The following RBM39 variants were observed in gnomAD, a reference collection of about 807,000 sequenced individuals.
RBM39 encodes RNA binding motif protein 39.
A neutral mutation model predicts 79.6 loss-of-function variants in RBM39; 12 were observed. The ratio of observed to expected loss-of-function variants is 0.15; its 90% confidence interval spans 0.10 to 0.24. RBM39 has a LOEUF of 0.24. RBM39 is among the 10% of genes least tolerant of loss of function. The pLI, the probability that RBM39 is intolerant of heterozygous loss-of-function variation, is 1.00. For synonymous variants in RBM39, 185 were observed against 208.4 expected (o/e 0.89, Z 0.97); for missense variants, 243 against 653.4 (o/e 0.37, Z 6.85).
chr20:35,732,120 C>T lies in RBM39; in HGVS notation c.117G>A (p.Lys39=), dbSNP rs775527552. ...TTCGTTCATGACTACGACTTCTGCT[C>T]TTGCTTTTTTTCCTCCTGAGAAGAA... The part of the protein sequence containing the change: ...EERSKKRKKS[K]SRSRSHERKR... Residue 39 remains lysine, a synonymous_variant, in exon 4 of 17, where the codon AAG becomes AAA. Transcript: ENST00000253363. 2 of 1,614,010 alleles carry T rather than the reference C, an allele frequency of 1.2e-6. No individual in the cohort carries two copies. The highest frequency in any genetic ancestry group is 3.3e-5 in the Admixed American group (2 of 60,010).
chr20:35,709,303 G>A (rs1600393096), intron 12 of RBM39, 29 bp from the exon 13 acceptor site: 2 of 1,563,278 alleles, frequency 1.3e-6, no homozygotes, highest in South Asian at 1.2e-5. Context: ...ACAATGAAGA[G>A]CCTCAACTAA....
chr20:35,741,089 C>G (rs571840508), intron 1 of RBM39, among the ~76,000 whole-genome samples: 1 of 127,972 alleles, frequency 7.8e-6, no homozygotes, highest in African/African-American at 3.1e-5. Context: ...GGCTGAAGTG[C>G]AGTAGCGCGA....
intron 1 of RBM39, among the ~76,000 whole-genome samples, chr20:35,741,264 C>A (rs1033955645): frequency 2.0e-5 from 3 of 151,532 alleles, no homozygotes; most frequent in African/African-American, 7.3e-5. Flanking sequence ...GAACTCCTAA[C>A]CTCAAGTGAT....
chr20:35,734,001 T>C (rs1279021256), intron 3 of RBM39, among the ~76,000 whole-genome samples: 2 of 152,216 alleles, frequency 1.3e-5, no homozygotes, highest in African/African-American at 2.4e-5. Flanking sequence ...TCCACGAAAA[T>C]GTCTATTTGT....
intron 12 of RBM39, 57 bp from the exon 13 acceptor site, chr20:35,709,331 A>C: frequency 7.0e-7 from 1 of 1,425,804 alleles, no homozygotes; most frequent in Non-Finnish European, 9.6e-7. Flanking sequence ...AATGTCAGGA[A>C]AGCATTAATA....
At position 35,704,214 on chromosome 20, in the gene RBM39, G is replaced by A; in HGVS notation, c.*267C>T. The A allele has an allele frequency of 3.8e-6, 1 of 261,364 alleles. No homozygotes were observed. 16.2% of individuals were successfully genotyped at this position (261,364 alleles called of 1,614,324 possible). On this transcript the variant is annotated 3_prime_UTR_variant, in exon 17 of 17. Transcript: ENST00000253363. ...TACAGAAAGCACATTTGTTCTCCTAGAGCTATTCCTATAGTTCATTAATTT... is the reference window on the plus strand; with the variant it reads ...TACAGAAAGCACATTTGTTCTCCTAAAGCTATTCCTATAGTTCATTAATTT...
intron 3 of RBM39, among the ~76,000 whole-genome samples, chr20:35,736,016 CAT>C (rs1395682955): frequency 2.0e-5 from 3 of 152,182 alleles, no homozygotes; most frequent in African/African-American, 7.2e-5. Flanking sequence ...CAAAAAGCGA[CAT>C]GAGACAATGG....
intron 13 of RBM39, among the ~76,000 whole-genome samples, chr20:35,708,237 G>T (rs2035987488): frequency 6.6e-6 from 1 of 151,778 alleles, no homozygotes; most frequent in Non-Finnish European, 1.5e-5. Context: ...AAAAGTTAAA[G>T]ATTCGAGAGT....
Position 35,738,957 on chromosome 20 carries a change from T to C in RBM39, c.101+11A>G. Reference sequence around the variant, plus strand: ...TCACCACCCTCCCCCAAGCCCCTTCTTAAAACTCACTTTTTGCTACGTTCT... The same window carrying C: ...TCACCACCCTCCCCCAAGCCCCTTCCTAAAACTCACTTTTTGCTACGTTCT... On this transcript the variant is annotated intron_variant, in intron 3 of 16. Transcript: ENST00000253363. 1 of 1,609,516 alleles carries C rather than the reference T, an allele frequency of 6.2e-7. No homozygotes were observed. The highest frequency in any genetic ancestry group is 8.5e-7 in the Non-Finnish European group (1 of 1,175,828).
Position 35,705,297 on chromosome 20 carries a change from C to G in RBM39, c.1341G>C (p.Lys447Asn), listed in dbSNP as rs1733641634. 6.3e-7 allele frequency: 1 copy of G among 1,589,670 alleles called. No individual in the cohort carries two copies. The highest frequency in any genetic ancestry group is 1.4e-5 in the African/African-American group (1 of 72,788). ...TATTACATTCTTCAATCACATCATC[C>G]TTAATCTCGGTATCCCATCCAACTT... ...EEEVGWDTEI[K>N]DDVIEECNKH... is the part of the protein sequence containing the mutation. The change falls in exon 15 of 17, where the codon AAG (lysine) becomes AAC (asparagine). Residue 447 changes from lysine (K) to asparagine (N), a missense_variant. Lys to Asn is a moderately conservative substitution (Grantham distance 94). This residue lies in a region of RBM39 where 48 missense variants were observed against 130.2 expected (regional missense o/e 0.37). Coordinates refer to ENST00000253363, the MANE Select transcript of RBM39 (RefSeq NM_184234.3).
rs2035396675 is a variant in RBM39 at position 35,703,536 on chromosome 20, TGA to T, written c.*943_*944del. Reference sequence around the variant, plus strand: ...TTTTCCCAAGAGGCAAGTACTGAATTGAGACTAAAAGAAGCTAATTCTGTTCT... The same window carrying T: ...TTTTCCCAAGAGGCAAGTACTGAATTGACTAAAAGAAGCTAATTCTGTTCT... On this transcript the variant is annotated 3_prime_UTR_variant, in exon 17 of 17. Coordinates refer to ENST00000253363, the MANE Select transcript of RBM39 (RefSeq NM_184234.3). 6.6e-6 allele frequency: 1 copy of T among 152,488 alleles called. No homozygotes were observed. The highest frequency in any genetic ancestry group is 1.5e-5 in the Non-Finnish European group (1 of 68,036). 9.4% of individuals were successfully genotyped at this position (152,488 alleles called of 1,614,324 possible). A position where few individuals can be genotyped will look rare whatever the true frequency, so the allele number is the denominator to read the frequency against.
At chr20:35,736,278 T>A (rs576969038) in intron 3 of RBM39, among the ~76,000 whole-genome samples, 1 of 152,272 alleles carries the variant, frequency 6.6e-6, no homozygotes, top group East Asian at 1.9e-4. Flanking sequence ...AGATCCCACA[T>A]CAAGACTAAA....
intron 3 of RBM39, among the ~76,000 whole-genome samples, chr20:35,733,814 TCTAA>T (rs752969548): frequency 6.6e-6 from 1 of 152,080 alleles, no homozygotes; most frequent in African/African-American, 2.4e-5. Context: ...TTTTAAAATC[TCTAA>T]CTAAAAACCA....
chr20:35,737,848 C>CCAAAAAAAA (rs1468925578), intron 3 of RBM39, among the ~76,000 whole-genome samples: 1 of 40,428 alleles, frequency 2.5e-5, no homozygotes, highest in African/African-American at 8.0e-5. Flanking sequence ...GACTCCGTGT[C>CCAAAAAAAA]AAAAAAAAAA....
intron 12 of RBM39, among the ~76,000 whole-genome samples, chr20:35,712,187 G>A (rs940881186): frequency 1.3e-5 from 2 of 152,012 alleles, no homozygotes; most frequent in African/African-American, 4.8e-5. Flanking sequence ...AAGAAATGAG[G>A]GCCGAACGCA....
intron 12 of RBM39, among the ~76,000 whole-genome samples, chr20:35,712,685 AT>A (rs2036588779): frequency 6.6e-6 from 1 of 152,042 alleles, no homozygotes; most frequent in South Asian, 2.1e-4. Flanking sequence ...TGCCTCTGAT[AT>A]TTTCTAAATT....
At chr20:35,737,477 C>T (rs1189431946) in intron 3 of RBM39, among the ~76,000 whole-genome samples, 1 of 149,242 alleles carries the variant, frequency 6.7e-6, no homozygotes, top group South Asian at 2.1e-4. Flanking sequence ...GGAGAACTGC[C>T]TGAACCCAGG....
intron 14 of RBM39, among the ~76,000 whole-genome samples, chr20:35,706,193 T>C (rs1019693173): frequency 2.6e-5 from 4 of 151,952 alleles, no homozygotes; most frequent in African/African-American, 9.7e-5. Flanking sequence ...ACAAAAGTAG[T>C]TGGGCGTGGT....
At position 35,732,013 on chromosome 20, in the gene RBM39, C is replaced by A. The variant is rs754134582; in HGVS notation, c.224G>T (p.Arg75Ile). Residue 75 changes from arginine to isoleucine, a missense_variant, in exon 4 of 17, where the codon AGA becomes ATA. By Grantham distance (97) the Arg-to-Ile change is moderately conservative. This residue lies in a region of RBM39 where 115 missense variants were observed against 184.1 expected (regional missense o/e 0.62). Transcript: ENST00000253363. ...KSKSRERKRS[R>I]SKERRRSRSR... ...GCGGCTCCGTCGCCTCTCTTTGCTT[C>A]TACTTCGCTTTCTTTCACGGCTTTT... 1 of 1,614,206 alleles carries A rather than the reference C, an allele frequency of 6.2e-7. No individual in the cohort carries two copies. Among genetic ancestry groups the A allele is most frequent in the East Asian group, 2.2e-5 (1 of 44,882 alleles).
Sources: gnomAD v4.1 joint callset for allele counts (sites outside exome capture counted in the v4.1 genomes callset) on GRCh38, gnomAD v4.1.1 for gene constraint, gnomAD v4.1.1 regional missense constraint, MANE v1.5 for transcripts, NCBI Gene and HGNC (gene_info 2026-07-23, HGNC 2026-07-21) for gene names.